The following GLRA3 variants were observed in gnomAD, a reference collection of about 807,000 sequenced individuals.
The protein encoded by GLRA3 is glycine receptor alpha 3.
A neutral mutation model predicts 60.4 loss-of-function variants in GLRA3; 44 were observed. The observed-to-expected ratio is 0.73, with a 90% CI of 0.57 to 0.94. GLRA3 has a LOEUF of 0.94. GLRA3 is among the 40% of genes least tolerant of loss of function. GLRA3 has a pLI of 0.00. For synonymous variants in GLRA3, 223 were observed against 192.9 expected (o/e 1.16, Z -1.29); for missense variants, 508 against 564.6 (o/e 0.90, Z 1.02).
intron 7 of GLRA3, among the ~76,000 whole-genome samples, chr4:174,660,037 T>C (rs1181078314): frequency 6.6e-6 from 1 of 151,990 alleles, no homozygotes. Context: ...ACTACATTTA[T>C]TGTTGTGTGT....
chr4:174,828,250 C>A (rs1026208789), intron 1 of GLRA3, among the ~76,000 whole-genome samples: 3 of 152,194 alleles, frequency 2.0e-5, no homozygotes, highest in Non-Finnish European at 1.5e-5. Context: ...ATAGTACTTG[C>A]AAGGCCCTTA....
chr4:174,829,125 T>C lies in GLRA3; in HGVS notation c.-314A>G, dbSNP rs1024957643. On this transcript the variant is annotated 5_prime_UTR_variant, in exon 1 of 10. Transcript: ENST00000274093. ...TAAAGCTCCAGCAGCAAAGGAAGAA[T>C]GTTCGTTCTTCCCTGACTGAGACCC... 2 of 231,660 alleles carry C rather than the reference T, an allele frequency of 8.6e-6. No homozygotes were observed. Among genetic ancestry groups the C allele is most frequent in the African/African-American group, 4.5e-5 (2 of 44,146 alleles). 14.4% of individuals were successfully genotyped at this position (231,660 alleles called of 1,614,324 possible).
At chr4:174,749,079 A>G (rs1737356960) in intron 3 of GLRA3, among the ~76,000 whole-genome samples, 1 of 152,172 alleles carries the variant, frequency 6.6e-6, no homozygotes, top group Admixed American at 6.6e-5. Flanking sequence ...GAAAGAACAA[A>G]TAAATGTAAA....
intron 2 of GLRA3, among the ~76,000 whole-genome samples, chr4:174,779,981 C>T (rs1484045945): frequency 1.6e-4 from 23 of 143,408 alleles, no homozygotes; most frequent in Admixed American, 7.7e-4. Context: ...AGATACTCCT[C>T]GAGAAGAGCA....
At chr4:174,687,051 C>T (rs1452358268) in intron 5 of GLRA3, among the ~76,000 whole-genome samples, 1 of 152,052 alleles carries the variant, frequency 6.6e-6, no homozygotes, top group East Asian at 1.9e-4. Flanking sequence ...AAGACATTTG[C>T]CTTTTTCATT....
chr4:174,732,138 C>G (rs955859147), intron 3 of GLRA3, among the ~76,000 whole-genome samples: 3 of 152,120 alleles, frequency 2.0e-5, no homozygotes, highest in African/African-American at 7.2e-5. Flanking sequence ...GGGCGGATCA[C>G]GAGGTCAAGA....
At chr4:174,713,985 C>A (rs777012643) in intron 5 of GLRA3, among the ~76,000 whole-genome samples, 1 of 152,154 alleles carries the variant, frequency 6.6e-6, no homozygotes, top group Non-Finnish European at 1.5e-5. Context: ...TAATCTGATC[C>A]GTTTATCTAA....
intron 3 of GLRA3, among the ~76,000 whole-genome samples, chr4:174,765,362 C>G (rs1234934248): frequency 6.6e-6 from 1 of 152,018 alleles, no homozygotes; most frequent in Non-Finnish European, 1.5e-5. Flanking sequence ...TTCCAAGTCC[C>G]TTCCCTCCCT....
At chr4:174,661,551 C>T (rs964140813) in intron 7 of GLRA3, among the ~76,000 whole-genome samples, 2 of 152,154 alleles carry the variant, frequency 1.3e-5, no homozygotes, top group Non-Finnish European at 2.9e-5. Context: ...TTTGGCCTTC[C>T]TGTTGGGAGG....
intron 1 of GLRA3, among the ~76,000 whole-genome samples, chr4:174,823,600 G>A (rs576087083): frequency 1.3e-5 from 2 of 152,230 alleles, no homozygotes; most frequent in South Asian, 4.1e-4. Context: ...GTGGAAAAGG[G>A]TAGGAGACAA....
Position 174,811,487 on chromosome 4 carries a change from C to G in GLRA3, c.71+17254G>C, listed in dbSNP as rs918462670. Among the ~76,000 whole-genome samples the G allele has an allele frequency of 2.0e-5, 3 of 152,236 alleles. No homozygotes were observed. The East Asian group carries it at 5.8e-4, about 29-fold the overall frequency. On this transcript the variant is annotated intron_variant, in intron 1 of 9. Transcript: ENST00000274093. ...CAATTCTTTTGCTTAAATGTCATGT[C>G]CTCCACATTGCCTTTCTTGGCTTAG...
intron 1 of GLRA3, among the ~76,000 whole-genome samples, chr4:174,806,573 C>T (rs745888060): frequency 1.1e-4 from 16 of 152,104 alleles, no homozygotes; most frequent in Middle Eastern, 3.4e-3. Flanking sequence ...ATTTCCTTGT[C>T]GTTATTTCCT....
chr4:174,644,362 AAAC>A (rs955821081), intron 9 of GLRA3, among the ~76,000 whole-genome samples: 9 of 152,030 alleles, frequency 5.9e-5, no homozygotes, highest in Admixed American at 2.6e-4. Flanking sequence ...ATTAAAAAAA[AAAC>A]AAGATAAAAT....
At chr4:174,669,736 T>G (rs1435175560) in intron 7 of GLRA3, among the ~76,000 whole-genome samples, 2 of 151,902 alleles carry the variant, frequency 1.3e-5, no homozygotes, top group Non-Finnish European at 2.9e-5. Flanking sequence ...TTACCACACT[T>G]TGCTAATTAA....
At chr4:174,669,315 C>A (rs1733813742) in intron 7 of GLRA3, among the ~76,000 whole-genome samples, 2 of 151,892 alleles carry the variant, frequency 1.3e-5, no homozygotes, top group Admixed American at 6.6e-5. Flanking sequence ...GTTTTAAAGA[C>A]AGGTGTTGAA....
At chr4:174,647,432 GA>G (rs1732866898) in intron 9 of GLRA3, among the ~76,000 whole-genome samples, 1 of 149,926 alleles carries the variant, frequency 6.7e-6, no homozygotes, top group Non-Finnish European at 1.5e-5. Context: ...AAAACTCATG[GA>G]AAAAACTACT....
intron 1 of GLRA3, among the ~76,000 whole-genome samples, chr4:174,812,126 T>C (rs1740300071): frequency 1.3e-5 from 2 of 152,080 alleles, no homozygotes; most frequent in East Asian, 1.9e-4. Flanking sequence ...CTGACAGAAA[T>C]TACCATTTTA....
intron 7 of GLRA3, among the ~76,000 whole-genome samples, chr4:174,666,763 A>ATATATATATAT (rs1733691114): frequency 5.4e-5 from 6 of 110,802 alleles, no homozygotes; most frequent in African/African-American, 2.7e-4. Context: ...TATATATTAT[A>ATATATATATAT]TATATATATA....
At chr4:174,678,411 A>T (rs892917140) in intron 6 of GLRA3, among the ~76,000 whole-genome samples, 3 of 152,220 alleles carry the variant, frequency 2.0e-5, no homozygotes, top group Admixed American at 2.0e-4. Flanking sequence ...TTCAAGAAGG[A>T]TGAGGTCAGA....
Sources: gnomAD v4.1 joint callset for allele counts (sites outside exome capture counted in the v4.1 genomes callset) on GRCh38, gnomAD v4.1.1 for gene constraint, MANE v1.5 for transcripts, NCBI Gene and HGNC (gene_info 2026-07-23, HGNC 2026-07-21) for gene names.